DTNA: variants seen among roughly 807,000 people sequenced by gnomAD.
DTNA encodes dystrobrevin alpha.
Under a neutral mutation model 100.7 loss-of-function variants are expected in DTNA, and 43 were observed. That is an observed-to-expected ratio of 0.43 (90% confidence interval 0.33 to 0.55). The LOEUF (loss-of-function observed/expected upper bound fraction) is 0.55, where lower values mean the gene tolerates loss of function less well. Among genes scored for constraint, DTNA ranks in the 20% least tolerant of loss-of-function variants. The pLI is 0.04. For missense variants in DTNA, 798 were observed against 953.9 expected (o/e 0.84, Z 2.15); for synonymous variants, 349 against 347.9 (o/e 1.00, Z -0.04).
chr18:34,580,535 A>G (rs948185755), intron 1 of DTNA, among the ~76,000 whole-genome samples: 2 of 152,138 alleles, frequency 1.3e-5, no homozygotes, highest in Non-Finnish European at 2.9e-5. Flanking sequence ...AAGCTTTGCT[A>G]TAGCTTTAGT....
At chr18:34,546,010 G>A (rs974450839) in intron 1 of DTNA, among the ~76,000 whole-genome samples, 2 of 152,052 alleles carry the variant, frequency 1.3e-5, no homozygotes, top group Admixed American at 1.3e-4. Context: ...GGGAGGCTCG[G>A]CTCTGTAGTA....
chr18:34,843,814 T>A (rs2096320660), intron 13 of DTNA, among the ~76,000 whole-genome samples: 1 of 152,192 alleles, frequency 6.6e-6, no homozygotes, highest in Non-Finnish European at 1.5e-5. Context: ...ATATTTTTAA[T>A]GTGTAGGTCA....
chr18:34,777,084 A>G lies in DTNA; in HGVS notation c.148+11043A>G, dbSNP rs2094097102. On this transcript the variant is annotated intron_variant, in intron 3 of 22. Transcript: ENST00000444659. The stretch of plus-strand genomic sequence containing the variant: ...CCAGTTCCCCTATCCGCCTTGTCCT[A>G]TTGTTTGTATTTTTCCTAAAGTATT... Among the ~76,000 whole-genome samples, 8 of 152,176 alleles carry G rather than the reference A, an allele frequency of 5.3e-5. No homozygotes were observed. In the South Asian group the frequency reaches 1.7e-3, roughly 32 times the overall value.
intron 1 of DTNA, among the ~76,000 whole-genome samples, chr18:34,517,724 T>A (rs1410076845): frequency 6.6e-6 from 1 of 152,124 alleles, no homozygotes; most frequent in African/African-American, 2.4e-5. Flanking sequence ...TTGAGATTTT[T>A]AAAAATTCAA....
At chr18:34,797,193 C>A (rs1224775620) in intron 4 of DTNA, among the ~76,000 whole-genome samples, 1 of 152,108 alleles carries the variant, frequency 6.6e-6, no homozygotes, top group Non-Finnish European at 1.5e-5. Context: ...TTGTGACATT[C>A]CTTTTAAAAA....
chr18:34,783,050 C>T (rs1413444767), intron 3 of DTNA, among the ~76,000 whole-genome samples: 1 of 152,150 alleles, frequency 6.6e-6, no homozygotes, highest in East Asian at 1.9e-4. Flanking sequence ...TTTCTTGCTT[C>T]TAAAGTGATT....
chr18:34,824,392 C>T (rs368475558), intron 9 of DTNA, among the ~76,000 whole-genome samples: 43 of 152,032 alleles, frequency 2.8e-4, no homozygotes, highest in Admixed American at 1.5e-3. Context: ...AGGAGAATGG[C>T]GTGAACCAGG....
At chr18:34,700,699 T>A (rs2146160132) in intron 1 of DTNA, among the ~76,000 whole-genome samples, 1 of 152,344 alleles carries the variant, frequency 6.6e-6, no homozygotes, top group African/African-American at 2.4e-5. Context: ...ACTTCAGGTG[T>A]GCTTGCAGCA....
chr18:34,802,210 T>C (rs932094377), intron 4 of DTNA, among the ~76,000 whole-genome samples: 9 of 152,360 alleles, frequency 5.9e-5, no homozygotes, highest in African/African-American at 2.2e-4. Flanking sequence ...ATCTATGTTT[T>C]TCAACCTCAG....
intron 1 of DTNA, among the ~76,000 whole-genome samples, chr18:34,609,846 G>T (rs1432976793): frequency 6.6e-6 from 1 of 152,064 alleles, no homozygotes; most frequent in African/African-American, 2.4e-5. Flanking sequence ...AATGAAATAT[G>T]CCATTTTGAA....
chr18:34,745,518 C>T (rs1038395801), intron 1 of DTNA, among the ~76,000 whole-genome samples: 3 of 152,270 alleles, frequency 2.0e-5, no homozygotes, highest in Middle Eastern at 3.4e-3. Flanking sequence ...TCCTAAAACA[C>T]GTGGGATTTT....
At chr18:34,678,922 G>T (rs536340685) in intron 1 of DTNA, among the ~76,000 whole-genome samples, 2 of 152,192 alleles carry the variant, frequency 1.3e-5, no homozygotes, top group Admixed American at 6.5e-5. Context: ...GTAACATTAG[G>T]TTGCCTTTGT....
At chr18:34,507,679 C>CA (rs1208351998) in intron 1 of DTNA, among the ~76,000 whole-genome samples, 3 of 152,156 alleles carry the variant, frequency 2.0e-5, no homozygotes, top group African/African-American at 7.2e-5. Context: ...CAATGGTTCT[C>CA]AAAGTGTTGG....
intron 1 of DTNA, among the ~76,000 whole-genome samples, chr18:34,715,787 C>G (rs1459146143): frequency 6.6e-6 from 1 of 152,054 alleles, no homozygotes; most frequent in Non-Finnish European, 1.5e-5. Context: ...AAATTAGAAA[C>G]AACATTTGCA....
Position 34,765,948 on chromosome 18 carries a change from T to G in DTNA, c.68-13T>G. 6.2e-7 allele frequency: 1 copy of G among 1,613,638 alleles called. No individual in the cohort carries two copies. On this transcript the variant is annotated splice_polypyrimidine_tract_variant and intron_variant, in intron 2 of 22. Coordinates refer to ENST00000444659, the MANE Select transcript of DTNA (RefSeq NM_001386795.1). ...ACATGGCATACCTTATGTGTCCTTT[T>G]TCCCCGCACTAGGGGCTCAAGATCT...
At chr18:34,725,288 C>G (rs2086360101) in intron 1 of DTNA, among the ~76,000 whole-genome samples, 1 of 151,974 alleles carries the variant, frequency 6.6e-6, no homozygotes, top group East Asian at 1.9e-4. Context: ...GTAAAAGAAA[C>G]TATCAACAGA....
chr18:34,615,333 G>A (rs968412540), intron 1 of DTNA, among the ~76,000 whole-genome samples: 17 of 152,206 alleles, frequency 1.1e-4, no homozygotes, highest in Admixed American at 8.5e-4. Context: ...CCTCCAACCA[G>A]GCCCCACCTC....
intron 1 of DTNA, among the ~76,000 whole-genome samples, chr18:34,697,826 G>A (rs776286407): frequency 6.6e-6 from 1 of 152,164 alleles, no homozygotes; most frequent in East Asian, 1.9e-4. Flanking sequence ...ACTACTGGAA[G>A]AGCAAAGAAG....
intron 18 of DTNA, among the ~76,000 whole-genome samples, chr18:34,877,089 A>T (rs1014833925): frequency 1.4e-4 from 21 of 152,212 alleles, no homozygotes; most frequent in Admixed American, 6.5e-5. Context: ...AATTTATAGT[A>T]CCAGACATGC....
Sources: gnomAD v4.1 joint callset for allele counts (sites outside exome capture counted in the v4.1 genomes callset) on GRCh38, gnomAD v4.1.1 for gene constraint, MANE v1.5 for transcripts, NCBI Gene and HGNC (gene_info 2026-07-23, HGNC 2026-07-21) for gene names.